The following HTRA3 variants were observed in gnomAD, a reference collection of about 807,000 sequenced individuals.
The protein encoded by HTRA3 is HtrA serine peptidase 3, also known as serine protease HTRA3.
HTRA3 carries 41 observed loss-of-function variants against 43.2 expected under a neutral mutation model. The ratio of observed to expected loss-of-function variants is 0.95; its 90% confidence interval spans 0.74 to 1.23. The LOEUF is 1.23. Ranked by LOEUF, HTRA3 falls within the 50% of genes most tolerant of loss-of-function variation. HTRA3 has a pLI of 0.00. For missense variants in HTRA3, 628 were observed against 647.1 expected (o/e 0.97, Z 0.32); for synonymous variants, 295 against 287.9 (o/e 1.02, Z -0.25).
Position 8,296,790 on chromosome 4 carries a change from G to A in HTRA3, c.1051+2589G>A, listed in dbSNP as rs1327276735. Among the ~76,000 whole-genome samples, 1 of 152,168 alleles carries A rather than the reference G, an allele frequency of 6.6e-6. No individual in the cohort carries two copies. Among genetic ancestry groups the A allele is most frequent in the East Asian group, 1.9e-4 (1 of 5,160 alleles). On this transcript the variant is annotated intron_variant, in intron 6 of 8. Transcript: ENST00000307358. The surrounding 1 kb of genome is among the most constrained non-coding windows in gnomAD (Gnocchi z 5.3). ...ATAGGTGGGAGACCTCTGGCCTGGG[G>A]GGTAAACCCCTCGTTTATCCTGTGG... is the stretch of plus-strand genomic sequence containing the variant.
At position 8,295,897 on chromosome 4, in the gene HTRA3, T is replaced by C; in HGVS notation, c.1051+1696T>C. ...AGACAATCTGGAGCCAGGCAGAGCC[T>C]GTCTTTCCCAAAGAAGCTGAAGTCT... On this transcript the variant is annotated intron_variant, in intron 6 of 8. Coordinates refer to ENST00000307358, the MANE Select transcript of HTRA3 (RefSeq NM_053044.5). The surrounding 1 kb of genome is among the most constrained non-coding windows in gnomAD (Gnocchi z 6.9). 1 of 1,233,970 alleles carries C rather than the reference T, an allele frequency of 8.1e-7. No individual in the cohort carries two copies. Among genetic ancestry groups the C allele is most frequent in the South Asian group, 4.0e-5 (1 of 24,812 alleles). The allele number at this position is 1,233,970 out of a possible 1,614,324, so 76.4% of individuals were successfully genotyped here.
Position 8,270,100 on chromosome 4 carries a change from G to C in HTRA3, c.132G>C (p.Val44=). 2 of 1,539,666 alleles carry C rather than the reference G, an allele frequency of 1.3e-6. No individual in the cohort carries two copies. The highest frequency in any genetic ancestry group is 8.7e-7 in the Non-Finnish European group (1 of 1,155,002). ...CPSPRCPGGY[V]PDLCNCCLVC... ...GCCCCCGCTGCCCCGGCGGCTACGT[G>C]CCCGACCTCTGCAACTGCTGCCTGG... The change falls in exon 1 of 9, where the codon GTG becomes GTC. Residue 44 remains valine, a synonymous_variant. Coordinates refer to ENST00000307358, the MANE Select transcript of HTRA3 (RefSeq NM_053044.5).
At chr4:8,287,673 C>T (rs1419424954) in intron 3 of HTRA3, among the ~76,000 whole-genome samples, 1 of 152,162 alleles carries the variant, frequency 6.6e-6, no homozygotes, top group Non-Finnish European at 1.5e-5. Flanking sequence ...TCCCACCAGG[C>T]CCGTCCCCCA....
At position 8,296,956 on chromosome 4, in the gene HTRA3, G is replaced by A. The variant is rs1713478879; in HGVS notation, c.1051+2755G>A. Among the ~76,000 whole-genome samples, 1 of 152,098 alleles carries A rather than the reference G, an allele frequency of 6.6e-6. No individual in the cohort carries two copies. Among genetic ancestry groups the A allele is most frequent in the African/African-American group, 2.4e-5 (1 of 41,394 alleles). On this transcript the variant is annotated intron_variant, in intron 6 of 8. Transcript: ENST00000307358. This position sits in a 1 kb window ranked among gnomAD's most constrained non-coding sequence, Gnocchi z 5.3. ...ATCTCAGAGGCCACAGGGTTCCTTA[G>A]TCTCAGAAGTCACAGGGTCCTGTGG... is the stretch of plus-strand genomic sequence containing the variant.
At chr4:8,302,610 A>C (rs1578808688) in intron 7 of HTRA3, 99 bp downstream of exon 7, 2 of 1,204,120 alleles carry the variant, frequency 1.7e-6, no homozygotes, top group East Asian at 2.4e-5. Flanking sequence ...GGCTCCTTGC[A>C]GGTGCCCAGA....
At chr4:8,271,388 C>T (rs949632905) in intron 1 of HTRA3, among the ~76,000 whole-genome samples, 7 of 152,130 alleles carry the variant, frequency 4.6e-5, no homozygotes, top group African/African-American at 1.7e-4. Flanking sequence ...CCAGGGCTTC[C>T]CCAGAGAATT....
chr4:8,301,872 A>G (rs2153007233), intron 6 of HTRA3, among the ~76,000 whole-genome samples: 1 of 152,364 alleles, frequency 6.6e-6, no homozygotes, highest in East Asian at 1.9e-4. Context: ...GAACTCTTAT[A>G]TAAAATGAAA....
chr4:8,290,462 G>T (rs959108491), intron 3 of HTRA3, among the ~76,000 whole-genome samples: 12 of 152,210 alleles, frequency 7.9e-5, no homozygotes, highest in African/African-American at 2.9e-4. Flanking sequence ...AGACCTGGCC[G>T]ATCGCAGATC....
At chr4:8,298,249 A>C (rs1205755997) in intron 6 of HTRA3, among the ~76,000 whole-genome samples, 1 of 152,248 alleles carries the variant, frequency 6.6e-6, no homozygotes, top group Non-Finnish European at 1.5e-5. Flanking sequence ...CCCATGGGTC[A>C]GGCCTCCCGG....
chr4:8,284,502 G>A (rs1033263567), intron 2 of HTRA3, among the ~76,000 whole-genome samples: 5 of 152,204 alleles, frequency 3.3e-5, no homozygotes, highest in South Asian at 2.1e-4. Flanking sequence ...CAGGCCTCCC[G>A]GCTGTGACCC....
At chr4:8,290,563 C>G (rs539240151) in intron 3 of HTRA3, among the ~76,000 whole-genome samples, 9 of 152,334 alleles carry the variant, frequency 5.9e-5, no homozygotes, top group Non-Finnish European at 1.3e-4. Context: ...GGGTGCAAAA[C>G]CAGAACCAGG....
chr4:8,291,751 C>T (rs111275395), intron 4 of HTRA3, among the ~76,000 whole-genome samples, 187 bp downstream of exon 4: 15 of 152,342 alleles, frequency 9.8e-5, no homozygotes, highest in African/African-American at 3.1e-4. Flanking sequence ...CCCCAGGGTG[C>T]CAGGCACGCT....
rs536647666 is a variant in HTRA3, at chr4:8,295,438, G to A, written c.1051+1237G>A. On this transcript the variant is annotated intron_variant, in intron 6 of 8. Coordinates refer to ENST00000307358, the MANE Select transcript of HTRA3 (RefSeq NM_053044.5). This position sits in a 1 kb window ranked among gnomAD's most constrained non-coding sequence, Gnocchi z 6.9. ...TGAGCACCCATCTGGGAGAGGCCTC[G>A]CCAGGGCACTAGGCAACTCTCCCAA... Among the ~76,000 whole-genome samples, 10 of 151,488 alleles carry A rather than the reference G, an allele frequency of 6.6e-5. No homozygotes were observed. Among genetic ancestry groups the A allele is most frequent in the African/African-American group, 2.2e-4 (9 of 41,294 alleles).
chr4:8,272,062 G>A (rs945466163), intron 1 of HTRA3, among the ~76,000 whole-genome samples: 2 of 152,152 alleles, frequency 1.3e-5, no homozygotes, highest in Non-Finnish European at 2.9e-5. Context: ...GGGCCTGCCC[G>A]TTGCAGCCCA....
chr4:8,297,864 C>G lies in HTRA3; in HGVS notation c.1051+3663C>G, dbSNP rs1333830857. On this transcript the variant is annotated intron_variant, in intron 6 of 8. Coordinates refer to ENST00000307358, the MANE Select transcript of HTRA3 (RefSeq NM_053044.5). The surrounding 1 kb of genome is among the most constrained non-coding windows in gnomAD (Gnocchi z 5.8). ...ACCCACCAATGTCCACAGGCAGTTC[C>G]CACTAAGAGCACCTGTCAAGACCCC... is the stretch of plus-strand genomic sequence containing the variant. Among the ~76,000 whole-genome samples the G allele has an allele frequency of 6.6e-6, 1 of 152,178 alleles. No individual in the cohort carries two copies. Among genetic ancestry groups the G allele is most frequent in the African/African-American group, 2.4e-5 (1 of 41,430 alleles).
At chr4:8,298,758 T>C (rs957696753) in intron 6 of HTRA3, among the ~76,000 whole-genome samples, 1 of 152,248 alleles carries the variant, frequency 6.6e-6, no homozygotes, top group African/African-American at 2.4e-5. Flanking sequence ...CACCATTTGT[T>C]GAAAGACTGT....
chr4:8,274,431 G>C, intron 1 of HTRA3, among the ~76,000 whole-genome samples: 2 of 152,354 alleles, frequency 1.3e-5, no homozygotes, highest in South Asian at 4.1e-4. Context: ...ATTTCTCTGC[G>C]TGATCCCCAT....
At chr4:8,289,023 C>A (rs1713118464) in intron 3 of HTRA3, among the ~76,000 whole-genome samples, 1 of 151,080 alleles carries the variant, frequency 6.6e-6, no homozygotes, top group African/African-American at 2.4e-5. Context: ...AATCACAGCT[C>A]ACTGCAGCGT....
intron 7 of HTRA3, among the ~76,000 whole-genome samples, chr4:8,302,843 A>T (rs764010260): frequency 1.6e-4 from 24 of 152,104 alleles, no homozygotes; most frequent in Non-Finnish European, 2.1e-4. Context: ...GCAGGGCTGC[A>T]CTCTGCCTCT....
Sources: allele counts gnomAD v4.1 joint callset (sites outside exome capture counted in the v4.1 genomes callset), GRCh38; gene constraint gnomAD v4.1.1; non-coding constraint Gnocchi (gnomAD v3.1); transcripts MANE v1.5; gene names NCBI Gene and HGNC (gene_info 2026-07-23, HGNC 2026-07-21).